The following ASS1 variants were observed in gnomAD, a reference collection of about 807,000 sequenced individuals.
ASS1 encodes the protein argininosuccinate synthase.
Under a neutral mutation model 60.5 loss-of-function variants are expected in ASS1, and 58 were observed. That is an observed-to-expected ratio of 0.96 (90% CI 0.78 to 1.19). The LOEUF is 1.19. ASS1 is among the 50% of genes most tolerant of loss of function. The probability of loss-of-function intolerance (pLI) is 0.00; values close to 1 mark genes in which losing one functional copy is unlikely to be tolerated. For synonymous variants in ASS1, 200 were observed against 206.9 expected (o/e 0.97, Z 0.29); for missense variants, 454 against 547.3 (o/e 0.83, Z 1.70).
intron 7 of ASS1, 125 bp from the exon 8 acceptor site, chr9:130,471,360 C>T (rs1845861611): frequency 8.2e-7 from 1 of 1,222,370 alleles, no homozygotes; most frequent in Non-Finnish European, 1.2e-6. Flanking sequence ...AGGTTGGCAG[C>T]AGATGCTCTG....
chr9:130,498,164 C>G (rs113746434), intron 13 of ASS1, among the ~76,000 whole-genome samples: 17 of 152,284 alleles, frequency 1.1e-4, no homozygotes, highest in African/African-American at 3.8e-4. Context: ...CTCATTTGTT[C>G]TTGTAAAAAG....
Position 130,466,767 on chromosome 9 carries a change from A to G in ASS1, c.463A>G (p.Lys155Glu), listed in dbSNP as rs746855701. 2 of 1,614,112 alleles carry G rather than the reference A, an allele frequency of 1.2e-6. No individual in the cohort carries two copies. The highest frequency in any genetic ancestry group is 1.1e-5 in the South Asian group (1 of 91,088). ...WRMPEFYNRF[K>E]GRNDLMEYAK... ...GATGCCTGAATTCTACAACCGGTTC[A>G]AGGGCCGCAATGACCTGATGGAGTA... Residue 155 changes from lysine (K) to glutamate (E), a missense_variant, in exon 6 of 15, where the codon AAG (lysine) becomes GAG (glutamate). By Grantham distance (56) the Lys-to-Glu change is moderately conservative (BLOSUM62 1). Transcript: ENST00000352480.
chr9:130,489,909 C>T lies in ASS1; in HGVS notation c.970+445C>T, dbSNP rs1564160732. On this transcript the variant is annotated intron_variant, in intron 12 of 14. Coordinates refer to ENST00000352480, the MANE Select transcript of ASS1 (RefSeq NM_054012.4). The surrounding 1 kb of genome is among the most constrained non-coding windows in gnomAD (Gnocchi z 4.1). The stretch of plus-strand genomic sequence containing the variant: ...CCAGAAGTGGCCTAGCTGGGTTTGA[C>T]CCCCAAGTCAGGCTGTCTCCAGGAA... Among the ~76,000 whole-genome samples the T allele has an allele frequency of 4.6e-5, 7 of 152,256 alleles. No individual in the cohort carries two copies. The highest frequency in any genetic ancestry group is 4.6e-4 in the Admixed American group (7 of 15,286).
intron 11 of ASS1, among the ~76,000 whole-genome samples, chr9:130,487,943 C>CG (rs1846347696): frequency 6.6e-6 from 1 of 152,124 alleles, no homozygotes; most frequent in African/African-American, 2.4e-5. Context: ...TTAGTAGAGA[C>CG]GGGGTTTCAC....
Position 130,454,290 on chromosome 9 carries a change from G to A in ASS1, c.106-15G>A, listed in dbSNP as rs77534228. The A allele has an allele frequency of 5.0e-6, 8 of 1,607,876 alleles. No homozygotes were observed. In the East Asian group the frequency reaches 6.7e-5, roughly 13 times the overall value. ...CCCCAGGGGCTGACGGAGCCTCTCC[G>A]CTTCTGCTTCTCAGGCCAACATTGG... On this transcript the variant is annotated splice_polypyrimidine_tract_variant and intron_variant, in intron 2 of 14. Transcript: ENST00000352480.
chr9:130,499,672 A>G (rs1045532400), intron 14 of ASS1, 102 bp downstream of exon 14: 33 of 1,233,856 alleles, frequency 2.7e-5, no homozygotes, highest in Non-Finnish European at 3.6e-5. Flanking sequence ...TGCGACCTTG[A>G]CTGCTGCCCT....
intron 3 of ASS1, 46 bp from the exon 4 acceptor site, chr9:130,458,355 C>G (rs766452611): frequency 6.2e-6 from 10 of 1,610,890 alleles, no homozygotes; most frequent in Non-Finnish European, 8.5e-6. Flanking sequence ...TGCCAGATGG[C>G]CCCTGTCCTT....
chr9:130,480,251 C>T (rs1317929187), intron 10 of ASS1, 134 bp from the exon 11 acceptor site: 2 of 981,748 alleles, frequency 2.0e-6, no homozygotes, highest in Non-Finnish European at 3.2e-6. Flanking sequence ...CTCAGATGTC[C>T]TCTTGAGTCT....
chr9:130,448,370 C>T (rs1462285442), intron 1 of ASS1, among the ~76,000 whole-genome samples: 1 of 152,016 alleles, frequency 6.6e-6, no homozygotes, highest in Non-Finnish European at 1.5e-5. Flanking sequence ...CATGCACACA[C>T]ATTGTGTACT....
At chr9:130,493,186 C>A (rs1366276914) in intron 12 of ASS1, among the ~76,000 whole-genome samples, 1 of 152,220 alleles carries the variant, frequency 6.6e-6, no homozygotes, top group East Asian at 1.9e-4. Flanking sequence ...GTTAGGAGTG[C>A]TTCATCAGAC....
intron 4 of ASS1, among the ~76,000 whole-genome samples, chr9:130,462,519 G>A (rs1350132324): frequency 6.6e-6 from 1 of 152,150 alleles, no homozygotes; most frequent in Non-Finnish European, 1.5e-5. Flanking sequence ...AGGGTCTCTG[G>A]CTCCTGAACA....
chr9:130,470,014 TG>T lies in ASS1; in HGVS notation c.496-819del, dbSNP rs1235866237. Among the ~76,000 whole-genome samples the T allele has an allele frequency of 6.6e-6, 1 of 152,158 alleles. No individual in the cohort carries two copies. The highest frequency in any genetic ancestry group is 1.5e-5 in the Non-Finnish European group (1 of 68,020). ...TATAAGCTTGGGGCCAGGAGAGCAG[TG>T]CCAGGTGTCCGAGTGCAGGAGGAGG... On this transcript the variant is annotated intron_variant, in intron 6 of 14. Coordinates refer to ENST00000352480, the MANE Select transcript of ASS1 (RefSeq NM_054012.4). The surrounding 1 kb of genome is among the most constrained non-coding windows in gnomAD (Gnocchi z 4.3).
In ASS1 at chr9:130,500,112, G is replaced by A. The variant is rs76863200; in HGVS notation, c.1193+542G>A. ...CAGATGCAGTGAAGGTTCAATATGAGCCTGTGGAAATCAAGCATGCGGCTC... is the reference window on the plus strand; with the variant it reads ...CAGATGCAGTGAAGGTTCAATATGAACCTGTGGAAATCAAGCATGCGGCTC... On this transcript the variant is annotated intron_variant, in intron 14 of 14. Transcript: ENST00000352480. Among the ~76,000 whole-genome samples the A allele has an allele frequency of 4.7e-3, 719 of 152,230 alleles. 6 individuals carry two copies. Among genetic ancestry groups the A allele is most frequent in the African/African-American group, 0.016 (665 of 41,518 alleles).
intron 14 of ASS1, 142 bp downstream of exon 14, chr9:130,499,712 CCA>C: frequency 1.2e-6 from 1 of 824,552 alleles, no homozygotes; most frequent in South Asian, 1.5e-5. Context: ...TAGACAAACC[CCA>C]CTTTCCTGTC....
At chr9:130,496,293 T>G (rs1846600641) in intron 13 of ASS1, among the ~76,000 whole-genome samples, 1 of 151,920 alleles carries the variant, frequency 6.6e-6, no homozygotes, top group Non-Finnish European at 1.5e-5. Flanking sequence ...TGGTGGCATG[T>G]GCTCGTGGTC....
intron 11 of ASS1, among the ~76,000 whole-genome samples, chr9:130,486,686 C>T (rs1846312812): frequency 6.6e-6 from 1 of 152,178 alleles, no homozygotes; most frequent in Admixed American, 6.5e-5. Context: ...GGCTGCAGCC[C>T]CCACCAATGA....
In ASS1 at chr9:130,488,923, G is replaced by A. The variant is rs1467410021; in HGVS notation, c.839-410G>A. Among the ~76,000 whole-genome samples the A allele has an allele frequency of 6.6e-6, 1 of 152,214 alleles. No individual in the cohort carries two copies. The highest frequency in any genetic ancestry group is 6.5e-5 in the Admixed American group (1 of 15,284). On this transcript the variant is annotated intron_variant, in intron 11 of 14. Coordinates refer to ENST00000352480, the MANE Select transcript of ASS1 (RefSeq NM_054012.4). The surrounding 1 kb of genome is among the most constrained non-coding windows in gnomAD (Gnocchi z 5.2). ...CATGTGTACATGTATGTGCACAGCT[G>A]TCCCCCTCCCCTGGCTCCCTGGTGG...
chr9:130,448,778 G>C (rs916561041), intron 1 of ASS1, among the ~76,000 whole-genome samples: 1 of 152,130 alleles, frequency 6.6e-6, no homozygotes, highest in Non-Finnish European at 1.5e-5. Flanking sequence ...TGGCCAGGCT[G>C]GTCTGGAACT....
At position 130,476,650 on chromosome 9, in the gene ASS1, G is replaced by A; in HGVS notation, c.598-221G>A. On this transcript the variant is annotated intron_variant, in intron 8 of 14. Transcript: ENST00000352480. The surrounding 1 kb of genome is among the most constrained non-coding windows in gnomAD (Gnocchi z 4.9). ...TCGAAGAAAAAGATGAGATCAAGTT[G>A]AGGGGAAAAATTGTCTGATTTCTCC... The A allele has an allele frequency of 3.3e-6, 2 of 605,622 alleles. No homozygotes were observed. Among genetic ancestry groups the A allele is most frequent in the South Asian group, 1.9e-5 (1 of 51,374 alleles). 37.5% of individuals were successfully genotyped at this position (605,622 alleles called of 1,614,324 possible). A position where few individuals can be genotyped will look rare whatever the true frequency, so the allele number is the denominator to read the frequency against.
Sources: allele counts gnomAD v4.1 joint callset (sites outside exome capture counted in the v4.1 genomes callset), GRCh38; gene constraint gnomAD v4.1.1; non-coding constraint Gnocchi (gnomAD v3.1); transcripts MANE v1.5; gene names NCBI Gene and HGNC (gene_info 2026-07-23, HGNC 2026-07-21).